CD44: variants seen among roughly 807,000 people sequenced by gnomAD.
The protein encoded by CD44 is CD44 antigen.
In CD44, 49 loss-of-function variants were observed where a neutral mutation model predicts 88.8. That is an observed-to-expected ratio of 0.55 (90% CI 0.44 to 0.70). The LOEUF is 0.70. CD44 is among the 30% of genes least tolerant of loss of function. The pLI is 0.00. For synonymous variants in CD44, 325 were observed against 312.3 expected, an observed-to-expected ratio of 1.04 and a Z score of -0.43; for missense variants, 883 against 913.8, an observed-to-expected ratio of 0.97 and a Z score of 0.43.
chr11:35,221,671 GC>G lies in CD44; in HGVS notation c.1964del (p.Ala655AspfsTer8). The G allele has an allele frequency of 6.2e-7, 1 of 1,613,994 alleles. No homozygotes were observed. The highest frequency in any genetic ancestry group is 8.5e-7 in the Non-Finnish European group (1 of 1,179,882). On this transcript the variant is annotated frameshift_variant, in exon 17 of 18. Coordinates refer to ENST00000428726, the MANE Select transcript of CD44 (RefSeq NM_000610.4). LOFTEE classifies it high-confidence loss of function. ...CATACCAGAATGGCTGATCATCTTG[GC>G]ATCCCTCTTGGCCTTGGCTTTGATT... ...PQIPEWLIIL[A>X]SLLALALILA...
chr11:35,157,294 A>G (rs182509455), intron 1 of CD44, among the ~76,000 whole-genome samples: 30 of 150,870 alleles, frequency 2.0e-4, no homozygotes, highest in Non-Finnish European at 4.4e-5. Flanking sequence ...AACCTTGTCT[A>G]TCATCTATCC....
chr11:35,142,146 A>G (rs1208067389), intron 1 of CD44, among the ~76,000 whole-genome samples: 1 of 151,894 alleles, frequency 6.6e-6, no homozygotes, highest in Non-Finnish European at 1.5e-5. Context: ...TCCTTCATGC[A>G]CATGCATCTC....
At chr11:35,147,876 G>T (rs1226367624) in intron 1 of CD44, among the ~76,000 whole-genome samples, 4 of 152,082 alleles carry the variant, frequency 2.6e-5, no homozygotes, top group Non-Finnish European at 5.9e-5. Flanking sequence ...ATGACCTGAG[G>T]TCGGGAGTTC....
Position 35,147,526 on chromosome 11 carries a change from C to T in CD44, c.67+8156C>T, listed in dbSNP as rs570860864. 1.2e-3 allele frequency among the ~76,000 whole-genome samples: 180 copies of T among 152,244 alleles called. 1 individual carries two copies. The highest frequency in any genetic ancestry group is 4.2e-3 in the African/African-American group (174 of 41,542). On this transcript the variant is annotated intron_variant, in intron 1 of 17. Transcript: ENST00000428726. ...CCAGGAAGGGAGGAGGCAAGGCCCC[C>T]TGGGAACATCTGGCTCAGTCCACAG...
In CD44 at chr11:35,229,677, T is replaced by A. The variant is rs1405695326; in HGVS notation, c.*344T>A. The A allele has an allele frequency of 4.0e-6, 1 of 250,340 alleles. No individual in the cohort carries two copies. The highest frequency in any genetic ancestry group is 7.9e-6 in the Non-Finnish European group (1 of 127,312). 15.5% of individuals were successfully genotyped at this position (250,340 alleles called of 1,614,324 possible). On this transcript the variant is annotated 3_prime_UTR_variant, in exon 18 of 18. Transcript: ENST00000428726. ...GATCGCCAACCTTTCCCCCACCAGC[T>A]AAGGACATTTCCCAGGGTTAATAGG...
chr11:35,179,001 C>A (rs1393700107), intron 2 of CD44, among the ~76,000 whole-genome samples: 2 of 152,180 alleles, frequency 1.3e-5, no homozygotes, highest in African/African-American at 2.4e-5. Context: ...TTGGTAGCAA[C>A]TCTTAGATAT....
chr11:35,159,851 C>G (rs1394193481), intron 1 of CD44, among the ~76,000 whole-genome samples: 1 of 152,214 alleles, frequency 6.6e-6, no homozygotes, highest in Non-Finnish European at 1.5e-5. Context: ...AGTTCCCATT[C>G]AGCTTCATGG....
At chr11:35,215,003 G>A (rs545618123) in intron 15 of CD44, 89 bp downstream of exon 15, 78 of 749,212 alleles carry the variant, frequency 1.0e-4, no homozygotes, top group Admixed American at 1.7e-4. Context: ...TGTCTCCAGA[G>A]AAGTGGTTCT....
chr11:35,197,818 T>C (rs534466049), intron 6 of CD44: 1 of 270,098 alleles, frequency 3.7e-6, no homozygotes, highest in East Asian at 6.8e-5. Flanking sequence ...AATAAACATA[T>C]CTGAAAGTGT....
intron 9 of CD44, among the ~76,000 whole-genome samples, chr11:35,203,600 C>T (rs138531146): frequency 1.3e-4 from 20 of 151,684 alleles, no homozygotes; most frequent in African/African-American, 1.5e-4. Context: ...TTACTGTCAC[C>T]AAATCACACA....
chr11:35,211,445 A>G lies in CD44; in HGVS notation c.1806A>G (p.Leu602=), dbSNP rs1348881117. 2 of 1,612,432 alleles carry G rather than the reference A, an allele frequency of 1.2e-6. No individual in the cohort carries two copies. Among genetic ancestry groups the G allele is most frequent in the African/African-American group, 2.7e-5 (2 of 74,868 alleles). ...CCAACTCTAATGTCAATCGTTCCTT[A>G]TCAGGTAATTTGGCATTTATTATCT... ...GDSNSNVNRS[L]SGDQDTFHPS... is the part of the protein sequence containing the mutation. Residue 602 remains leucine (L), a synonymous_variant, in exon 14 of 18, where the codon TTA becomes TTG. Coordinates refer to ENST00000428726, the MANE Select transcript of CD44 (RefSeq NM_000610.4).
At chr11:35,154,153 A>G (rs1280665252) in intron 1 of CD44, among the ~76,000 whole-genome samples, 1 of 152,208 alleles carries the variant, frequency 6.6e-6, no homozygotes, top group Non-Finnish European at 1.5e-5. Flanking sequence ...TTACTTAGGG[A>G]TCTTGAGTGT....
intron 13 of CD44, 49 bp downstream of exon 13, chr11:35,210,103 C>T (rs1390928083): frequency 1.9e-6 from 2 of 1,039,462 alleles, no homozygotes; most frequent in South Asian, 3.1e-5. Context: ...AAGAATCAAT[C>T]AATTATGGGT....
At chr11:35,180,504 A>G in intron 3 of CD44, 97 bp downstream of exon 3, 10 of 1,308,510 alleles carry the variant, frequency 7.6e-6, no homozygotes, top group Non-Finnish European at 9.8e-6. Flanking sequence ...CTCCATTTAC[A>G]TAACAAATGC....
At position 35,209,977 on chromosome 11, in the gene CD44, C is replaced by G; in HGVS notation, c.1529C>G (p.Ser510Cys). The G allele has an allele frequency of 6.4e-7, 1 of 1,574,242 alleles. No homozygotes were observed. Among genetic ancestry groups the G allele is most frequent in the Non-Finnish European group, 8.6e-7 (1 of 1,163,048 alleles). The part of the protein sequence containing the change: ...PLSMTTQQSN[S>C]QSFSTSHEGL... Reference sequence around the variant, plus strand: ...CTCATTGAAACAGAGCAGAGTAATTCTCAGAGCTTCTCTACATCACATGAA... The same window carrying G: ...CTCATTGAAACAGAGCAGAGTAATTGTCAGAGCTTCTCTACATCACATGAA... The change falls in exon 13 of 18, where the codon TCT becomes TGT. Residue 510 changes from serine to cysteine, a missense_variant. Ser to Cys is a moderately radical substitution (Grantham distance 112, BLOSUM62 -1). Transcript: ENST00000428726.
chr11:35,184,621 A>G (rs1253651386), intron 3 of CD44, among the ~76,000 whole-genome samples: 1 of 152,232 alleles, frequency 6.6e-6, no homozygotes, highest in Non-Finnish European at 1.5e-5. Flanking sequence ...AACTGTAAAA[A>G]GCTAAATTAA....
chr11:35,209,990 T>C lies in CD44; in HGVS notation c.1542T>C (p.Ser514=), dbSNP rs1948244599. 3 of 1,578,534 alleles carry C rather than the reference T, an allele frequency of 1.9e-6. No homozygotes were observed. Among genetic ancestry groups the C allele is most frequent in the Non-Finnish European group, 2.6e-6 (3 of 1,165,782 alleles). The change falls in exon 13 of 18, where the codon TCT becomes TCC. Residue 514 remains serine (S), a synonymous_variant. Transcript: ENST00000428726. ...AGCAGAGTAATTCTCAGAGCTTCTC[T>C]ACATCACATGAAGGCTTGGAAGAAG... ...TTQQSNSQSF[S]TSHEGLEEDK...
At chr11:35,186,685 A>G in intron 3 of CD44, 147 bp from the exon 4 acceptor site, 1 of 577,916 alleles carries the variant, frequency 1.7e-6, no homozygotes, top group Non-Finnish European at 3.2e-6. Context: ...AAGGCAGAGA[A>G]ATTCCTAGCC....
intron 17 of CD44, chr11:35,222,995 TA>T: frequency 3.0e-6 from 3 of 985,408 alleles, no homozygotes; most frequent in Non-Finnish European, 3.6e-6. Context: ...ATACAGTCTC[TA>T]ATTATCTGAG....
Sources: gnomAD v4.1 joint callset for allele counts (sites outside exome capture counted in the v4.1 genomes callset) on GRCh38, gnomAD v4.1.1 for gene constraint, MANE v1.5 for transcripts, NCBI Gene and HGNC (gene_info 2026-07-23, HGNC 2026-07-21) for gene names.